Variants in QSOX2 observed in about 807,000 individuals in gnomAD.
QSOX2 encodes the protein quiescin sulfhydryl oxidase 2, also known as sulfhydryl oxidase 2.
QSOX2 carries 46 observed loss-of-function variants against 61.7 expected under a neutral mutation model. The ratio of observed to expected loss-of-function variants is 0.75; its 90% CI spans 0.59 to 0.95. QSOX2 has a LOEUF of 0.95. Ranked by LOEUF, QSOX2 falls within the 40% of genes least tolerant of loss-of-function variation. QSOX2 has a pLI of 0.00. For synonymous variants in QSOX2, 383 were observed against 388.4 expected (o/e 0.99, Z 0.16); for missense variants, 879 against 918.9 (o/e 0.96, Z 0.56).
intron 3 of QSOX2, 61 bp from the exon 4 acceptor site, chr9:136,224,173 C>T: frequency 7.5e-7 from 1 of 1,333,830 alleles, no homozygotes; most frequent in Non-Finnish European, 1.1e-6. Context: ...GGCAGGCATA[C>T]ACCCAGGGAC....
chr9:136,225,060 C>T, intron 2 of QSOX2, 151 bp from the exon 3 acceptor site: 1 of 575,166 alleles, frequency 1.7e-6, no homozygotes, highest in East Asian at 3.1e-5. Context: ...CACGCTTCTC[C>T]TTGTCTTTGT....
At position 136,221,797 on chromosome 9, in the gene QSOX2, C is replaced by A. The variant is rs767414712; in HGVS notation, c.820G>T (p.Val274Phe). Residue 274 changes from valine to phenylalanine, a missense_variant and splice_region_variant, in exon 6 of 12, where the codon GTC (valine) becomes TTC (phenylalanine). Coordinates refer to ENST00000358701, the MANE Select transcript of QSOX2 (RefSeq NM_181701.4). The surrounding 1 kb of genome is among the most constrained non-coding windows in gnomAD (Gnocchi z 4.5). ...YPNGSHGLIN[V>F]VKPLRAFFSS... ...CCCAGACCCCACCCGGGCACTCACA[C>A]GTTAATCAATCCATGCGACCCATTT... The A allele has an allele frequency of 6.3e-7, 1 of 1,599,902 alleles. No individual in the cohort carries two copies. The highest frequency in any genetic ancestry group is 2.3e-5 in the East Asian group (1 of 44,440).
chr9:136,243,543 G>A (rs1200787055), intron 1 of QSOX2, among the ~76,000 whole-genome samples: 1 of 152,196 alleles, frequency 6.6e-6, no homozygotes, highest in Non-Finnish European at 1.5e-5. Context: ...TACATGTACT[G>A]ATTTATGTCT....
chr9:136,211,437 G>C lies in QSOX2; in HGVS notation c.1376C>G (p.Pro459Arg), dbSNP rs1430237422. Residue 459 changes from proline to arginine, a missense_variant, in exon 11 of 12, where the codon CCC becomes CGC. Coordinates refer to ENST00000358701, the MANE Select transcript of QSOX2 (RefSeq NM_181701.4). ...CCTCATTGTCTGCAGCACAGCCTGG[G>C]GGTCGTCTTCAAAGCCTGCAGGGGA... ...ALVGTGFEDDPQAVLQTMRRY... is the reference protein window; with the variant it reads ...ALVGTGFEDDRQAVLQTMRRY... The C allele has an allele frequency of 5.0e-6, 8 of 1,613,900 alleles. No homozygotes were observed. Among genetic ancestry groups the C allele is most frequent in the Non-Finnish European group, 6.8e-6 (8 of 1,179,836 alleles).
intron 10 of QSOX2, among the ~76,000 whole-genome samples, chr9:136,213,496 TC>T (rs1831872852): frequency 6.6e-6 from 1 of 151,882 alleles, no homozygotes. Flanking sequence ...CCAAGGTTTC[TC>T]CCCAAAAACA....
intron 1 of QSOX2, among the ~76,000 whole-genome samples, chr9:136,242,798 C>T (rs1233165988): frequency 6.6e-6 from 1 of 152,240 alleles, no homozygotes; most frequent in African/African-American, 2.4e-5. Flanking sequence ...TCCGGGGACT[C>T]CTCAGTGCCA....
At chr9:136,245,445 CG>C in intron 1 of QSOX2, 30 bp downstream of exon 1, 14 of 1,547,854 alleles carry the variant, frequency 9.0e-6, no homozygotes, top group Admixed American at 5.5e-5. Flanking sequence ...TCCCGGGGGT[CG>C]GGGGGTCCCC....
At chr9:136,228,343 A>G (rs1048413389) in intron 1 of QSOX2, among the ~76,000 whole-genome samples, 1 of 152,226 alleles carries the variant, frequency 6.6e-6, no homozygotes, top group Non-Finnish European at 1.5e-5. Context: ...AATGACTCAC[A>G]TGAGGAAGGG....
At chr9:136,215,930 G>A (rs1233043996) in intron 9 of QSOX2, among the ~76,000 whole-genome samples, 1 of 152,242 alleles carries the variant, frequency 6.6e-6, no homozygotes, top group Non-Finnish European at 1.5e-5. Context: ...GTAGAGTCAA[G>A]GTGGAAGACA....
At chr9:136,229,331 G>A (rs1430901334) in intron 1 of QSOX2, among the ~76,000 whole-genome samples, 1 of 152,194 alleles carries the variant, frequency 6.6e-6, no homozygotes, top group Non-Finnish European at 1.5e-5. Context: ...GAAACAGGAG[G>A]TGCTCCCAGC....
chr9:136,239,388 C>CCAAAGT (rs1185521052), intron 1 of QSOX2, among the ~76,000 whole-genome samples: 7 of 152,262 alleles, frequency 4.6e-5, no homozygotes, highest in Admixed American at 2.6e-4. Flanking sequence ...GTGATCCTCC[C>CCAAAGT]ACCTTCCAAA....
At position 136,215,143 on chromosome 9, in the gene QSOX2, GCA is replaced by G. The variant is rs1564290181; in HGVS notation, c.1360+9_1360+10del. 7 of 1,612,436 alleles carry G rather than the reference GCA, an allele frequency of 4.3e-6. No individual in the cohort carries two copies. In the South Asian group the frequency reaches 6.6e-5, roughly 15 times the overall value. On this transcript the variant is annotated intron_variant, in intron 10 of 11. Transcript: ENST00000358701. ...CCATCGGCCCCTCTGGCCTGTATGGGCACAGCTTACCTGTGCCAACCAGTGCA... is the reference window on the plus strand; with the variant it reads ...CCATCGGCCCCTCTGGCCTGTATGGGCAGCTTACCTGTGCCAACCAGTGCA...
rs1461519130 is a variant in QSOX2 at position 136,208,777 on chromosome 9, C to T, written c.2048G>A (p.Arg683Gln). 9 of 1,613,712 alleles carry T rather than the reference C, an allele frequency of 5.6e-6. No individual in the cohort carries two copies. Among genetic ancestry groups the T allele is most frequent in the Non-Finnish European group, 7.6e-6 (9 of 1,179,954 alleles). Residue 683 changes from arginine (R) to glutamine (Q), a missense_variant, in exon 12 of 12, where the codon CGG (arginine) becomes CAG (glutamine). Transcript: ENST00000358701. ...GACCTTCCACCGCCTGGACCTCACC[C>T]GGAAGAAGAAGTACATCACCATGAG... ...LFLMVMYFFF[R>Q]VRSRRWKVKH...
chr9:136,239,090 G>A (rs1380340917), intron 1 of QSOX2, among the ~76,000 whole-genome samples: 1 of 152,226 alleles, frequency 6.6e-6, no homozygotes, highest in Non-Finnish European at 1.5e-5. Context: ...CTCCCAAGTC[G>A]CTGCCCTCTG....
At position 136,211,272 on chromosome 9, in the gene QSOX2, C is replaced by A. The variant is rs373189547; in HGVS notation, c.1541G>T (p.Arg514Leu). The stretch of plus-strand genomic sequence containing the variant: ...GCCCAGGGGCTTCTCACCTGCCAGG[C>A]GGCCGTTCACCATATTATGCTTCTT... Reference protein sequence around the residue: ...LWKKHNMVNGRLAGHLSEDPR... With the variant: ...LWKKHNMVNGLLAGHLSEDPR... The change falls in exon 11 of 12, where the codon CGC (arginine) becomes CTC (leucine). Residue 514 changes from arginine to leucine, a missense_variant. Transcript: ENST00000358701. 2 of 1,613,766 alleles carry A rather than the reference C, an allele frequency of 1.2e-6. No individual in the cohort carries two copies.
rs1830243176 is a variant in QSOX2, at chr9:136,223,239, C to A, written c.675+524G>T. The stretch of plus-strand genomic sequence containing the variant: ...CTCTCGTCTCCGGGAAGACTGTCAG[C>A]AATAATGACTCTCCGTGAGCTGCCC... On this transcript the variant is annotated intron_variant, in intron 5 of 11. Coordinates refer to ENST00000358701, the MANE Select transcript of QSOX2 (RefSeq NM_181701.4). This position sits in a 1 kb window ranked among gnomAD's most constrained non-coding sequence, Gnocchi z 4.4. Among the ~76,000 whole-genome samples the A allele has an allele frequency of 6.6e-6, 1 of 152,156 alleles. No individual in the cohort carries two copies. Among genetic ancestry groups the A allele is most frequent in the East Asian group, 1.9e-4 (1 of 5,182 alleles).
At chr9:136,243,106 A>G (rs1298663209) in intron 1 of QSOX2, among the ~76,000 whole-genome samples, 1 of 152,222 alleles carries the variant, frequency 6.6e-6, no homozygotes, top group African/African-American at 2.4e-5. Flanking sequence ...CAACGACACC[A>G]AACTCCAGCC....
At chr9:136,231,254 C>T (rs1039559143) in intron 1 of QSOX2, among the ~76,000 whole-genome samples, 1 of 152,150 alleles carries the variant, frequency 6.6e-6, no homozygotes, top group African/African-American at 2.4e-5. Context: ...CAGGCGTGCC[C>T]GACTCCGACT....
At chr9:136,219,490 C>T (rs1272414613) in intron 6 of QSOX2, among the ~76,000 whole-genome samples, 1 of 152,212 alleles carries the variant, frequency 6.6e-6, no homozygotes, top group Non-Finnish European at 1.5e-5. Context: ...ATTCTGACTG[C>T]GATTTCCAAC....
Sources: allele counts gnomAD v4.1 joint callset (sites outside exome capture counted in the v4.1 genomes callset), GRCh38; gene constraint gnomAD v4.1.1; non-coding constraint Gnocchi (gnomAD v3.1); transcripts MANE v1.5; gene names NCBI Gene and HGNC (gene_info 2026-07-23, HGNC 2026-07-21).